The following FRS3 variants were observed in gnomAD, a reference collection of about 807,000 sequenced individuals.
FRS3 encodes the protein FGFR substrate 3.
FRS3 carries 17 observed loss-of-function variants against 41.9 expected under a neutral mutation model. That is an observed-to-expected ratio of 0.41 (90% confidence interval 0.28 to 0.61). The LOEUF (loss-of-function observed/expected upper bound fraction) is 0.61. FRS3 is among the 20% of genes least tolerant of loss of function. The pLI, the probability that FRS3 is intolerant of heterozygous loss-of-function variation, is 0.36. For synonymous variants in FRS3, 287 were observed against 274.5 expected (o/e 1.05, Z -0.45); for missense variants, 619 against 672.1 (o/e 0.92, Z 0.87).
At position 41,773,481 on chromosome 6, in the gene FRS3, C is replaced by T. The variant is rs577318210; in HGVS notation, c.254-522G>A. Among the ~76,000 whole-genome samples the T allele has an allele frequency of 2.2e-4, 34 of 152,268 alleles. No homozygotes were observed. The South Asian group carries it at 6.4e-3, about 29-fold the overall frequency. On this transcript the variant is annotated intron_variant, in intron 4 of 6. Coordinates refer to ENST00000373018, the MANE Select transcript of FRS3 (RefSeq NM_006653.5). ...GGGTCCAAGGTACCCTGCCCCAGCA[C>T]GCCCACACCACATTGAACACTCCAG... is the stretch of plus-strand genomic sequence containing the variant.
At chr6:41,773,075 G>T in intron 4 of FRS3, 116 bp from the exon 5 acceptor site, 1 of 747,264 alleles carries the variant, frequency 1.3e-6, no homozygotes, top group Non-Finnish European at 2.3e-6. Context: ...TGTAGGGGCA[G>T]GAGAGCCTCT....
intron 4 of FRS3, among the ~76,000 whole-genome samples, chr6:41,775,058 G>C (rs1485535322): frequency 6.6e-6 from 1 of 152,144 alleles, no homozygotes; most frequent in Non-Finnish European, 1.5e-5. Flanking sequence ...GACCTCGGAG[G>C]CTCACTATTT....
chr6:41,770,572 G>T lies in FRS3; in HGVS notation c.*47C>A, dbSNP rs1772258652. 1 of 1,588,684 alleles carries T rather than the reference G, an allele frequency of 6.3e-7. No homozygotes were observed. The highest frequency in any genetic ancestry group is 1.3e-5 in the African/African-American group (1 of 74,422). ...GTTCAGAGGACAGGAGTGTGAGGCA[G>T]AGGCTGGATCATGGTGGGGCAGAGG... On this transcript the variant is annotated 3_prime_UTR_variant, in exon 7 of 7. Coordinates refer to ENST00000373018, the MANE Select transcript of FRS3 (RefSeq NM_006653.5).
At chr6:41,771,654 C>T in intron 6 of FRS3, 121 bp from the exon 7 acceptor site, 2 of 1,160,274 alleles carry the variant, frequency 1.7e-6, no homozygotes, top group African/African-American at 1.5e-5. Context: ...CTTCCTTGTC[C>T]TCCAACCCTT....
intron 3 of FRS3, among the ~76,000 whole-genome samples, chr6:41,775,924 T>C (rs1179998388): frequency 2.0e-5 from 3 of 152,242 alleles, no homozygotes; most frequent in African/African-American, 2.4e-5. Flanking sequence ...CATGCCTTAG[T>C]ATCCAAGGGC....
At position 41,770,883 on chromosome 6, in the gene FRS3, G is replaced by A; in HGVS notation, c.1215C>T (p.Arg405=). 3 of 1,609,810 alleles carry A rather than the reference G, an allele frequency of 1.9e-6. No individual in the cohort carries two copies. Among genetic ancestry groups the A allele is most frequent in the Non-Finnish European group, 2.5e-6 (3 of 1,179,938 alleles). ...GSPRVFNFDF[R]RPGPEPPRQL... Reference sequence around the variant, plus strand: ...GCCTTGGGGGCTCGGGCCCCGGCCGGCGGAAATCAAAGTTGAAGACCCTTG... The same window carrying A: ...GCCTTGGGGGCTCGGGCCCCGGCCGACGGAAATCAAAGTTGAAGACCCTTG... The change falls in exon 7 of 7, where the codon CGC becomes CGT. Residue 405 remains arginine (R), a synonymous_variant. Transcript: ENST00000373018.
At chr6:41,779,737 G>T in intron 1 of FRS3, 79 bp downstream of exon 1, 1 of 44,918 alleles carries the variant, frequency 2.2e-5, no homozygotes, top group South Asian at 6.7e-4. Context: ...AGGGAGTGGA[G>T]ACTGCGGCGC....
At chr6:41,778,311 A>C (rs1445494927) in intron 1 of FRS3, 135 bp from the exon 2 acceptor site, 1 of 152,226 alleles carries the variant, frequency 6.6e-6, no homozygotes, top group African/African-American at 2.4e-5. Context: ...ACCAATGAAG[A>C]AAGTAAAATC....
At chr6:41,777,460 T>C (rs76837337) in intron 2 of FRS3, 5,152 of 156,392 alleles carry the variant, frequency 0.033, 127 homozygotes, top group East Asian at 0.078. Context: ...GGCCTGTGCC[T>C]GTCTCTTTTT....
At chr6:41,772,336 A>G (rs1367738953) in intron 5 of FRS3, among the ~76,000 whole-genome samples, 1 of 152,148 alleles carries the variant, frequency 6.6e-6, no homozygotes, top group African/African-American at 2.4e-5. Context: ...CCTGTCCCCC[A>G]TGGGCCAGTC....
chr6:41,774,393 ACTT>A (rs1440072272), intron 4 of FRS3, among the ~76,000 whole-genome samples: 1 of 152,070 alleles, frequency 6.6e-6, no homozygotes, highest in Non-Finnish European at 1.5e-5. Flanking sequence ...CTGCTTCTTC[ACTT>A]ATTAGCCCAG....
Position 41,772,832 on chromosome 6 carries a change from C to T in FRS3, c.381G>A (p.Glu127=), listed in dbSNP as rs752006777. ...GCTGGGGGGCTCGAGGGAGGTCAAG[C>T]TCAGCGGGGTGGCTATTGCGGGTGA... ...VIITRNSHPA[E]LDLPRAPQPP... The change falls in exon 5 of 7, where the codon GAG becomes GAA. Residue 127 remains glutamate (E), a synonymous_variant. Coordinates refer to ENST00000373018, the MANE Select transcript of FRS3 (RefSeq NM_006653.5). 14 of 1,612,898 alleles carry T rather than the reference C, an allele frequency of 8.7e-6. No homozygotes were observed. In the South Asian group the frequency reaches 1.5e-4, roughly 18 times the overall value.
chr6:41,775,686 T>A, intron 3 of FRS3, 81 bp from the exon 4 acceptor site: 1 of 1,030,864 alleles, frequency 9.7e-7, no homozygotes, highest in Non-Finnish European at 1.5e-6. Flanking sequence ...GGAGACAATC[T>A]GATGCAGGAC....
At chr6:41,774,614 G>A (rs1772373319) in intron 4 of FRS3, among the ~76,000 whole-genome samples, 1 of 152,186 alleles carries the variant, frequency 6.6e-6, no homozygotes, top group Non-Finnish European at 1.5e-5. Context: ...ACTGGGCTGA[G>A]TGTCTGTCAA....
intron 6 of FRS3, 77 bp downstream of exon 6, chr6:41,771,739 G>A: frequency 2.1e-6 from 3 of 1,443,424 alleles, no homozygotes; most frequent in Non-Finnish European, 2.8e-6. Context: ...ATCCTTACTG[G>A]GAGGAGGTGG....
chr6:41,771,391 T>C lies in FRS3; in HGVS notation c.707A>G (p.Gln236Arg). The C allele has an allele frequency of 3.1e-6, 5 of 1,613,712 alleles. No homozygotes were observed. In the Middle Eastern group the frequency reaches 8.3e-4, roughly 266 times the overall value. The change falls in exon 7 of 7, where the codon CAG (glutamine) becomes CGG (arginine). Residue 236 changes from glutamine to arginine, a missense_variant. Physicochemically the swap from Gln to Arg is conservative, Grantham distance 43. Around this residue, in one of 3 missense-constraint regions of FRS3, gnomAD observed 487 missense variants for 478.3 expected, o/e 1.02. Coordinates refer to ENST00000373018, the MANE Select transcript of FRS3 (RefSeq NM_006653.5). The stretch of plus-strand genomic sequence containing the variant: ...CAACACAAACTTCACCTGGCCTGGC[T>C]GCAAGAACACCTGTGGGTCCCGTTG... ...PDQRDPQVFL[Q>R]PGQVKFVLGP...
intron 1 of FRS3, among the ~76,000 whole-genome samples, 191 bp from the exon 2 acceptor site, chr6:41,778,367 G>A (rs1356658556): frequency 6.6e-6 from 1 of 152,028 alleles, no homozygotes; most frequent in Non-Finnish European, 1.5e-5. Flanking sequence ...GCCCTGAGAG[G>A]GACAGACACC....
intron 4 of FRS3, among the ~76,000 whole-genome samples, chr6:41,774,922 G>A (rs761527129): frequency 6.6e-6 from 1 of 152,194 alleles, no homozygotes; most frequent in African/African-American, 2.4e-5. Flanking sequence ...GAACCCAAGT[G>A]TAGATCAAAC....
intron 4 of FRS3, 127 bp from the exon 5 acceptor site, chr6:41,773,086 C>T (rs1772338539): frequency 2.9e-6 from 2 of 687,234 alleles, no homozygotes; most frequent in Non-Finnish European, 5.0e-6. Context: ...GAGAGCCTCT[C>T]CTCATCTTGA....
Sources: gnomAD v4.1 joint callset for allele counts (sites outside exome capture counted in the v4.1 genomes callset) on GRCh38, gnomAD v4.1.1 for gene constraint, gnomAD v4.1.1 regional missense constraint, MANE v1.5 for transcripts, NCBI Gene and HGNC (gene_info 2026-07-23, HGNC 2026-07-21) for gene names.